The following OPCML variants were observed in gnomAD, a reference collection of about 807,000 sequenced individuals.
OPCML encodes the protein opioid binding protein/cell adhesion molecule like.
In OPCML, 13 loss-of-function variants were observed where a neutral mutation model predicts 37.8. That is an observed-to-expected ratio of 0.34 (90% CI 0.22 to 0.55). The LOEUF (loss-of-function observed/expected upper bound fraction) is 0.55. Among genes scored for constraint, OPCML ranks in the 20% least tolerant of loss-of-function variants. The pLI is 0.91. For missense variants in OPCML, 341 were observed against 435.6 expected (o/e 0.78, Z 1.93); for synonymous variants, 176 against 168.8 (o/e 1.04, Z -0.33).
intron 1 of OPCML, among the ~76,000 whole-genome samples, chr11:132,974,516 G>T (rs1946413064): frequency 6.6e-6 from 1 of 152,188 alleles, no homozygotes; most frequent in East Asian, 1.9e-4. Context: ...ATGCTGGAGA[G>T]GATGTGGAAA....
intron 1 of OPCML, among the ~76,000 whole-genome samples, chr11:133,193,899 G>A (rs897832390): frequency 1.3e-5 from 2 of 152,090 alleles, no homozygotes; most frequent in Non-Finnish European, 2.9e-5. Context: ...TGTCCTATAT[G>A]CCCCATAATG....
intron 1 of OPCML, among the ~76,000 whole-genome samples, chr11:132,979,197 A>T (rs2136783049): frequency 6.6e-6 from 1 of 152,126 alleles, no homozygotes; most frequent in Middle Eastern, 3.4e-3. Context: ...CACCCGGATC[A>T]CTCCGCACTT....
intron 1 of OPCML, among the ~76,000 whole-genome samples, chr11:133,467,487 G>A (rs1047996382): frequency 1.3e-5 from 2 of 152,074 alleles, no homozygotes; most frequent in African/African-American, 4.8e-5. Flanking sequence ...TTGGCAGTTA[G>A]GTATTGCATG....
chr11:132,424,584 G>A (rs1360584547), intron 7 of OPCML, among the ~76,000 whole-genome samples: 4 of 152,134 alleles, frequency 2.6e-5, no homozygotes, highest in African/African-American at 4.8e-5. Context: ...ACGCTCCCCC[G>A]GGGTAAGGTC....
chr11:132,784,698 C>T (rs1237965940), intron 2 of OPCML, among the ~76,000 whole-genome samples: 3 of 152,090 alleles, frequency 2.0e-5, no homozygotes, highest in Non-Finnish European at 4.4e-5. Context: ...TGTTGCTGTC[C>T]TGATGATAAT....
At chr11:132,569,984 G>C (rs544585762) in intron 3 of OPCML, among the ~76,000 whole-genome samples, 1 of 150,924 alleles carries the variant, frequency 6.6e-6, no homozygotes, top group Non-Finnish European at 1.5e-5. Context: ...ATGAATCCAG[G>C]TGAAAGAAAT....
At chr11:133,006,042 C>G in intron 1 of OPCML, 1 of 985,360 alleles carries the variant, frequency 1.0e-6, no homozygotes, top group Non-Finnish European at 1.2e-6. Context: ...GTAGGGAGAG[C>G]CATCCTAAGG....
intron 1 of OPCML, among the ~76,000 whole-genome samples, chr11:133,035,500 A>G (rs1297799991): frequency 1.3e-5 from 2 of 152,236 alleles, no homozygotes; most frequent in African/African-American, 4.8e-5. Context: ...GAGCCAGAAC[A>G]GATCTAGACT....
At position 132,428,566 on chromosome 11, in the gene OPCML, C is replaced by T. The variant is rs536295766; in HGVS notation, c.916+7520G>A. Among the ~76,000 whole-genome samples, 66 of 152,240 alleles carry T rather than the reference C, an allele frequency of 4.3e-4. 2 individuals are homozygous for T. In the South Asian group the frequency reaches 0.013, roughly 29 times the overall value. ...CAGAGTCCAGAAAGTATGCACTCAT[C>T]AGGCAGAGAAGAGGGCACAAGCCTG... On this transcript the variant is annotated intron_variant, in intron 7 of 7. Transcript: ENST00000524381.
chr11:133,073,470 G>A (rs1948575274), intron 1 of OPCML, among the ~76,000 whole-genome samples: 1 of 152,200 alleles, frequency 6.6e-6, no homozygotes, highest in South Asian at 2.1e-4. Flanking sequence ...CCAGGACAGG[G>A]AGCTGAGGGC....
chr11:132,944,177 C>A (rs1220377484), intron 1 of OPCML, among the ~76,000 whole-genome samples: 1 of 151,792 alleles, frequency 6.6e-6, no homozygotes, highest in Non-Finnish European at 1.5e-5. Flanking sequence ...GCGGCTTCCC[C>A]TACAGAGGGG....
chr11:132,559,531 T>A (rs898102621), intron 3 of OPCML, among the ~76,000 whole-genome samples: 10 of 152,168 alleles, frequency 6.6e-5, no homozygotes, highest in African/African-American at 2.4e-4. Context: ...GCATTCTGCT[T>A]TTTATTAGTA....
At chr11:133,030,914 C>G (rs1947654909) in intron 1 of OPCML, among the ~76,000 whole-genome samples, 1 of 151,816 alleles carries the variant, frequency 6.6e-6, no homozygotes. Context: ...GGCATTATAA[C>G]AATATATATT....
Position 133,319,760 on chromosome 11 carries a change from C to G in OPCML, c.61+212504G>C, listed in dbSNP as rs7107090. Among the ~76,000 whole-genome samples, 497 of 152,308 alleles carry G rather than the reference C, an allele frequency of 3.3e-3. 1 individual carries two copies. Among genetic ancestry groups the G allele is most frequent in the African/African-American group, 0.011 (460 of 41,570 alleles). ...AAGGCACACAGAGATGCCAGTGTCACAGTGGAACCAGTCTAGGAGAGCTCA... is the reference window on the plus strand; with the variant it reads ...AAGGCACACAGAGATGCCAGTGTCAGAGTGGAACCAGTCTAGGAGAGCTCA... On this transcript the variant is annotated intron_variant, in intron 1 of 7. Transcript: ENST00000524381.
intron 1 of OPCML, among the ~76,000 whole-genome samples, chr11:133,345,085 G>GC (rs1045212466): frequency 8.6e-5 from 13 of 152,022 alleles, no homozygotes; most frequent in East Asian, 3.9e-4. Flanking sequence ...ATATACACCA[G>GC]CCCCCCTATA....
At chr11:132,476,982 T>C (rs1227913464) in intron 4 of OPCML, among the ~76,000 whole-genome samples, 8 of 152,206 alleles carry the variant, frequency 5.3e-5, no homozygotes, top group Non-Finnish European at 1.0e-4. Flanking sequence ...TGAGTATCCA[T>C]TATGCTGAAT....
At chr11:132,724,333 A>T (rs1944790513) in intron 2 of OPCML, among the ~76,000 whole-genome samples, 1 of 152,216 alleles carries the variant, frequency 6.6e-6, no homozygotes, top group African/African-American at 2.4e-5. Context: ...ACAAACATTA[A>T]GTTCTTCTAT....
At chr11:132,877,930 A>T (rs1009699276) in intron 2 of OPCML, among the ~76,000 whole-genome samples, 1 of 152,198 alleles carries the variant, frequency 6.6e-6, no homozygotes, top group Non-Finnish European at 1.5e-5. Flanking sequence ...ACAAATATAC[A>T]TATTGACATT....
At chr11:133,465,936 A>G (rs1339095960) in intron 1 of OPCML, among the ~76,000 whole-genome samples, 1 of 152,246 alleles carries the variant, frequency 6.6e-6, no homozygotes, top group Non-Finnish European at 1.5e-5. Context: ...ATGTTTCTAA[A>G]GATTAAAGAT....
Sources: allele counts gnomAD v4.1 joint callset (sites outside exome capture counted in the v4.1 genomes callset), GRCh38; gene constraint gnomAD v4.1.1; transcripts MANE v1.5; gene names NCBI Gene and HGNC (gene_info 2026-07-23, HGNC 2026-07-21).